TTN: variants seen among roughly 807,000 people sequenced by gnomAD.
The protein encoded by TTN is connectin.
In TTN, 1,525 loss-of-function variants were observed where a neutral mutation model predicts 3,223.0. That is an observed-to-expected ratio of 0.47 (90% CI 0.45 to 0.49). The LOEUF (loss-of-function observed/expected upper bound fraction) is 0.49. TTN is among the 20% of genes least tolerant of loss of function. TTN has a pLI of 0.00. For missense variants in TTN, 40,786 were observed against 43,424.0 expected (o/e 0.94, Z 5.40); for synonymous variants, 14,094 against 15,161.0 (o/e 0.93, Z 5.17).
Position 178,621,180 on chromosome 2 carries a change from C to A in TTN, c.45538G>T (p.Asp15180Tyr). Reference sequence around the variant, plus strand: ...GTGCCCATATCTTGTAATGTGGCATCTTTCACAACTAGGACCCTCTTTTTA... The same window carrying A: ...GTGCCCATATCTTGTAATGTGGCATATTTCACAACTAGGACCCTCTTTTTA... ...DGKKRVLVVK[D>Y]ATLQDMGTYV... The change falls in exon 246 of 363, where the codon GAT becomes TAT. Residue 15180 changes from aspartate (D) to tyrosine (Y), a missense_variant. Asp to Tyr is a radical substitution (Grantham distance 160). Transcript: ENST00000589042. 1 of 1,612,558 alleles carries A rather than the reference C, an allele frequency of 6.2e-7. No individual in the cohort carries two copies. The highest frequency in any genetic ancestry group is 8.5e-7 in the Non-Finnish European group (1 of 1,179,234).
Position 178,556,884 on chromosome 2 carries a change from C to T in TTN, c.88270G>A (p.Glu29424Lys). The T allele has an allele frequency of 1.2e-6, 2 of 1,613,816 alleles. No homozygotes were observed. Among genetic ancestry groups the T allele is most frequent in the Non-Finnish European group, 1.7e-6 (2 of 1,179,832 alleles). ...ATGCAAGTAATGGGCCCTACAACCT[C>T]AGATGGATTGCTAATGGAACCAACA... Reference protein sequence around the residue: ...NAVGSISNPSEVVGPITCIDS... With the variant: ...NAVGSISNPSKVVGPITCIDS... Residue 29424 changes from glutamate (E) to lysine (K), a missense_variant, in exon 330 of 363, where the codon GAG becomes AAG. Physicochemically the swap from Glu to Lys is moderately conservative, Grantham distance 56. Coordinates refer to ENST00000589042, the MANE Select transcript of TTN (RefSeq NM_001267550.2).
rs764947983 is a variant in TTN at position 178,547,251 on chromosome 2, A to T, written c.94274T>A (p.Met31425Lys). The change falls in exon 340 of 363, where the codon ATG (methionine) becomes AAG (lysine). Residue 31425 changes from methionine (M) to lysine (K), a missense_variant. By Grantham distance (95) the Met-to-Lys change is moderately conservative. Transcript: ENST00000589042. ...PEVYHVSANA[M>K]SIRWEEPYHD... ...GTAGGGTTCTTCCCAACGAATAGACATGGCATTGGCAGACACATGGTAGAC... is the reference window on the plus strand; with the variant it reads ...GTAGGGTTCTTCCCAACGAATAGACTTGGCATTGGCAGACACATGGTAGAC... 1.2e-6 allele frequency: 2 copies of T among 1,613,696 alleles called. No individual in the cohort carries two copies. Among genetic ancestry groups the T allele is most frequent in the Non-Finnish European group, 1.7e-6 (2 of 1,179,744 alleles).
In TTN at chr2:178,735,780, T is replaced by C. The variant is rs766842583; in HGVS notation, c.14666A>G (p.His4889Arg). 2.5e-6 allele frequency: 4 copies of C among 1,613,766 alleles called. No individual in the cohort carries two copies. The South Asian group carries it at 3.3e-5, about 13-fold the overall frequency. Residue 4889 changes from histidine to arginine, a missense_variant, in exon 50 of 363, where the codon CAT (histidine) becomes CGT (arginine). By Grantham distance (29) the His-to-Arg change is conservative (BLOSUM62 0). Transcript: ENST00000589042. Reference protein sequence around the residue: ...QAELIIIDKPHFIKELEPVQS... With the variant: ...QAELIIIDKPRFIKELEPVQS... ...CACAGGCTCTAATTCTTTAATGAAATGTGGCTTATCAATGATGATCAACTC... is the reference window on the plus strand; with the variant it reads ...CACAGGCTCTAATTCTTTAATGAAACGTGGCTTATCAATGATGATCAACTC...
At chr2:178,665,282 AT>A in intron 165 of TTN, 94 bp downstream of exon 165, 5 of 1,192,582 alleles carry the variant, frequency 4.2e-6, no homozygotes, top group Non-Finnish European at 1.2e-6. Flanking sequence ...GTATGTTTAT[AT>A]TTAGAATTTA....
At position 178,569,590 on chromosome 2, in the gene TTN, T is replaced by C. The variant is rs1396483215; in HGVS notation, c.76542A>G (p.Leu25514=). Residue 25514 remains leucine, a synonymous_variant, in exon 326 of 363, where the codon CTA becomes CTG. Transcript: ENST00000589042. ...TTATATTTATGATTTTCCTTAGTTC[T>C]AGGTCAAGATCAATGTCTGGTGCTT... ...KLEAPDIDLD[L]ELRKIINIRA... 2.5e-6 allele frequency: 4 copies of C among 1,612,794 alleles called. No individual in the cohort carries two copies. The highest frequency in any genetic ancestry group is 2.2e-5 in the East Asian group (1 of 44,654).
chr2:178,531,447 C>A lies in TTN; in HGVS notation c.105168G>T (p.Leu35056=). ...EEVPRSVFPE[L]TRTEAYAVSS... ...AAACAGCATACGCCTCTGTTCTTGT[C>A]AGCTCAGGGAAAACAGATCTGGGGA... Residue 35056 remains leucine (L), a synonymous_variant, in exon 358 of 363, where the codon CTG becomes CTT. Transcript: ENST00000589042. 1 of 1,613,930 alleles carries A rather than the reference C, an allele frequency of 6.2e-7. No homozygotes were observed. Among genetic ancestry groups the A allele is most frequent in the Non-Finnish European group, 8.5e-7 (1 of 1,179,882 alleles).
intron 170 of TTN, 47 bp downstream of exon 170, chr2:178,663,772 C>G (rs770114518): frequency 1.9e-6 from 3 of 1,611,624 alleles, no homozygotes; most frequent in Non-Finnish European, 2.5e-6. Flanking sequence ...AAAATATCTT[C>G]AAGAGCAAAA....
In TTN at chr2:178,647,476, T is replaced by G; in HGVS notation, c.40058-12A>C. On this transcript the variant is annotated splice_polypyrimidine_tract_variant and intron_variant, in intron 213 of 362. Coordinates refer to ENST00000589042, the MANE Select transcript of TTN (RefSeq NM_001267550.2). ...AGGCACTTTGGGCACTTTAAAGATA[T>G]GATTTTGTTTACTATTAAGAATTTA... is the stretch of plus-strand genomic sequence containing the variant. 3 of 1,549,190 alleles carry G rather than the reference T, an allele frequency of 1.9e-6. No individual in the cohort carries two copies. Among genetic ancestry groups the G allele is most frequent in the Non-Finnish European group, 2.6e-6 (3 of 1,146,056 alleles).
At position 178,535,941 on chromosome 2, in the gene TTN, C is replaced by T. The variant is rs72629780; in HGVS notation, c.100765+41G>A. 1,873 of 1,515,336 alleles carry T rather than the reference C, an allele frequency of 1.2e-3. 29 individuals carry two copies. In the African/African-American group the frequency reaches 0.024, roughly 19 times the overall value. 93.9% of individuals were successfully genotyped at this position (1,515,336 alleles called of 1,614,324 possible). A position where few individuals can be genotyped will look rare whatever the true frequency, so the allele number is the denominator to read the frequency against. ...ATAGCCTCCACCCCCAAGTTAATAA[C>T]TCATTTAGCCTCAACTTGATGATAA... On this transcript the variant is annotated intron_variant, in intron 357 of 362. Coordinates refer to ENST00000589042, the MANE Select transcript of TTN (RefSeq NM_001267550.2).
Position 178,532,042 on chromosome 2 carries a change from A to C in TTN, c.104573T>G (p.Ile34858Ser). 6.2e-7 allele frequency: 1 copy of C among 1,613,930 alleles called. No homozygotes were observed. Among genetic ancestry groups the C allele is most frequent in the Non-Finnish European group, 8.5e-7 (1 of 1,179,874 alleles). The change falls in exon 358 of 363, where the codon ATC becomes AGC. Residue 34858 changes from isoleucine (I) to serine (S), a missense_variant. Transcript: ENST00000589042. Reference protein sequence around the residue: ...IELMRPVSELIRSRPQPAEEY... With the variant: ...IELMRPVSELSRSRPQPAEEY... ...CTCAGCCGGTTGTGGACGTGACCGG[A>C]TCAGCTCAGACACTGGCCTCATTAA...
intron 112 of TTN, among the ~76,000 whole-genome samples, chr2:178,697,908 T>G (rs1380658601): frequency 2.6e-5 from 4 of 152,206 alleles, no homozygotes; most frequent in African/African-American, 9.6e-5. Flanking sequence ...CTTACATTGA[T>G]GTGACTTTAT....
chr2:178,573,360 T>C lies in TTN; in HGVS notation c.72772A>G (p.Ile24258Val), dbSNP rs763561377. 6.5e-6 allele frequency: 10 copies of C among 1,528,690 alleles called. No individual in the cohort carries two copies. The highest frequency in any genetic ancestry group is 1.4e-5 in the African/African-American group (1 of 72,110). 94.7% of individuals were successfully genotyped at this position (1,528,690 alleles called of 1,614,324 possible). A position where few individuals can be genotyped will look rare whatever the true frequency, so the allele number is the denominator to read the frequency against. The change falls in exon 326 of 363, where the codon ATT becomes GTT. Residue 24258 changes from isoleucine (I) to valine (V), a missense_variant. Transcript: ENST00000589042. Reference sequence around the variant, plus strand: ...CCAGCTTTATCACGCCGTTCCACAATATAATTGATGATTTCACTTCCACCA... The same window carrying C: ...CCAGCTTTATCACGCCGTTCCACAACATAATTGATGATTTCACTTCCACCA... ...SDGGSEIINY[I>V]VERRDKAGQR...
At position 178,669,683 on chromosome 2, in the gene TTN, G is replaced by A; in HGVS notation, c.35387-8C>T. ...TCTTGGGTACTTCGGGTGCTTTAAA[G>A]ATATTTATTTATCTTATTTTTTCAG... On this transcript the variant is annotated splice_polypyrimidine_tract_variant and splice_region_variant and intron_variant, in intron 157 of 362. Coordinates refer to ENST00000589042, the MANE Select transcript of TTN (RefSeq NM_001267550.2). 2 of 1,610,376 alleles carry A rather than the reference G, an allele frequency of 1.2e-6. No individual in the cohort carries two copies. Among genetic ancestry groups the A allele is most frequent in the South Asian group, 1.1e-5 (1 of 90,798 alleles).
Position 178,554,122 on chromosome 2 carries a change from A to C in TTN, c.88989T>G (p.Ser29663Arg). ...VWSRPIADGG[S>R]DISGYFLEKR... ...TTTCAAGGAAATAGCCACTTATATC[A>C]CTACCGCCATCTGCAATTGGCCTGC... is the stretch of plus-strand genomic sequence containing the variant. The change falls in exon 333 of 363, where the codon AGT becomes AGG. Residue 29663 changes from serine to arginine, a missense_variant. Transcript: ENST00000589042. 6.2e-7 allele frequency: 1 copy of C among 1,613,788 alleles called. No homozygotes were observed. Among genetic ancestry groups the C allele is most frequent in the African/African-American group, 1.3e-5 (1 of 75,020 alleles).
At chr2:178,699,548 A>C (rs1402456905) in intron 111 of TTN, among the ~76,000 whole-genome samples, 16 of 142,458 alleles carry the variant, frequency 1.1e-4, no homozygotes, top group Non-Finnish European at 2.3e-4. Context: ...AGTAGCTGGG[A>C]CTACAGGCGC....
At position 178,711,263 on chromosome 2, in the gene TTN, T is replaced by C; in HGVS notation, c.27973A>G (p.Ser9325Gly). ...GLPVVFDCAI[S>G]GSEPISVSWY... ...GACACGGAGATAGGTTCTGATCCAC[T>C]TATGGCACAATCAAAAACAACTGGC... The change falls in exon 97 of 363, where the codon AGT becomes GGT. Residue 9325 changes from serine (S) to glycine (G), a missense_variant. Coordinates refer to ENST00000589042, the MANE Select transcript of TTN (RefSeq NM_001267550.2). 2 of 1,613,852 alleles carry C rather than the reference T, an allele frequency of 1.2e-6. No homozygotes were observed. Among genetic ancestry groups the C allele is most frequent in the Non-Finnish European group, 1.7e-6 (2 of 1,179,774 alleles).
intron 47 of TTN, chr2:178,747,055 C>T: frequency 6.2e-7 from 1 of 1,613,182 alleles, no homozygotes; most frequent in Non-Finnish European, 8.5e-7. Context: ...TAGAATATCT[C>T]TCTAGTGCCT....
Position 178,547,601 on chromosome 2 carries a change from G to C in TTN, c.94025C>G (p.Thr31342Ser). The C allele has an allele frequency of 6.2e-7, 1 of 1,613,856 alleles. No individual in the cohort carries two copies. Among genetic ancestry groups the C allele is most frequent in the Non-Finnish European group, 8.5e-7 (1 of 1,179,816 alleles). ...EPKDGGGTEI[T>S]NYIVEKRESG... Reference sequence around the variant, plus strand: ...TTCACGCTTTTCAACTATGTAATTAGTAATTTCAGTGCCTCCTCCATCTTT... The same window carrying C: ...TTCACGCTTTTCAACTATGTAATTACTAATTTCAGTGCCTCCTCCATCTTT... Residue 31342 changes from threonine (T) to serine (S), a missense_variant, in exon 339 of 363, where the codon ACT becomes AGT. Physicochemically the swap from Thr to Ser is moderately conservative, Grantham distance 58. Coordinates refer to ENST00000589042, the MANE Select transcript of TTN (RefSeq NM_001267550.2).
chr2:178,781,033 G>C (rs2092718188), intron 21 of TTN, 88 bp downstream of exon 21: 1 of 1,569,778 alleles, frequency 6.4e-7, no homozygotes, highest in Non-Finnish European at 8.7e-7. Context: ...CCAGTAAGTG[G>C]CAACAGGTTT....
Sources: allele counts gnomAD v4.1 joint callset (sites outside exome capture counted in the v4.1 genomes callset), GRCh38; gene constraint gnomAD v4.1.1; transcripts MANE v1.5; gene names NCBI Gene and HGNC (gene_info 2026-07-23, HGNC 2026-07-21).